The following FARS2 variants were observed in gnomAD, a reference collection of about 807,000 sequenced individuals.
FARS2 encodes phenylalanine--tRNA ligase, mitochondrial.
FARS2 carries 40 observed loss-of-function variants against 46.4 expected under a neutral mutation model. That is an observed-to-expected ratio of 0.86 (90% CI 0.67 to 1.12). The LOEUF is 1.12. FARS2 is among the 50% of genes most tolerant of loss of function. The pLI is 0.00. For synonymous variants in FARS2, 234 were observed against 214.9 expected, an observed-to-expected ratio of 1.09 and a Z score of -0.78; for missense variants, 513 against 567.9, an observed-to-expected ratio of 0.90 and a Z score of 0.98.
chr6:5,543,866 AGTTAT>A (rs1770784121), intron 4 of FARS2, among the ~76,000 whole-genome samples: 1 of 148,086 alleles, frequency 6.8e-6, no homozygotes, highest in African/African-American at 2.5e-5. Flanking sequence ...AATCTGGATT[AGTTAT>A]GTTTGTTTGT....
At chr6:5,576,575 C>CATAGATGATATATA (rs1561725198) in intron 5 of FARS2, among the ~76,000 whole-genome samples, 2 of 143,624 alleles carry the variant, frequency 1.4e-5, no homozygotes, top group African/African-American at 5.2e-5. Flanking sequence ...GAGTATATAT[C>CATAGATGATATATA]TATGATATAT....
chr6:5,415,096 C>T (rs1007705741), intron 3 of FARS2, among the ~76,000 whole-genome samples: 5 of 151,534 alleles, frequency 3.3e-5, no homozygotes, highest in Non-Finnish European at 7.4e-5. Context: ...GGATTACAGG[C>T]GTGAGCCACC....
Position 5,368,863 on chromosome 6 carries a change from A to G in FARS2, c.293A>G (p.Tyr98Cys). Reference protein sequence around the residue: ...LIKERVKEHFYKQYVGRFGTP... With the variant: ...LIKERVKEHFCKQYVGRFGTP... The stretch of plus-strand genomic sequence containing the variant: ...AAGGAGAGGGTGAAGGAGCACTTCT[A>G]CAAGCAGTATGTGGGCCGCTTTGGG... Residue 98 changes from tyrosine to cysteine, a missense_variant, in exon 2 of 7, where the codon TAC becomes TGC. Coordinates refer to ENST00000274680, the MANE Select transcript of FARS2 (RefSeq NM_006567.5). The G allele has an allele frequency of 2.5e-6, 4 of 1,614,122 alleles. No homozygotes were observed. The highest frequency in any genetic ancestry group is 3.4e-6 in the Non-Finnish European group (4 of 1,180,010).
At chr6:5,533,076 A>C (rs1302072271) in intron 4 of FARS2, among the ~76,000 whole-genome samples, 1 of 152,156 alleles carries the variant, frequency 6.6e-6, no homozygotes, top group Admixed American at 6.5e-5. Flanking sequence ...GAGGAAAATA[A>C]AATAGAAAGA....
At chr6:5,703,135 A>G (rs1758542627) in intron 6 of FARS2, among the ~76,000 whole-genome samples, 2 of 152,378 alleles carry the variant, frequency 1.3e-5, no homozygotes, top group South Asian at 2.1e-4. Context: ...AAAAGCAAAT[A>G]TAGCTGCCAA....
rs71557570 is a variant in FARS2 at position 5,564,761 on chromosome 6, G to A, written c.1065+19421G>A. Among the ~76,000 whole-genome samples the A allele has an allele frequency of 7.5e-3, 1,136 of 152,282 alleles. 9 individuals carry two copies. Among genetic ancestry groups the A allele is most frequent in the South Asian group, 0.015 (72 of 4,820 alleles). ...AAGCCAAGCCCAGCCATGGGTTTGT[G>A]TCCTCTAATACCTGTGTGTTTGGTG... On this transcript the variant is annotated intron_variant, in intron 5 of 6. Transcript: ENST00000274680.
At chr6:5,664,401 GGA>G (rs1365721837) in intron 6 of FARS2, among the ~76,000 whole-genome samples, 1 of 152,252 alleles carries the variant, frequency 6.6e-6, no homozygotes, top group Admixed American at 6.5e-5. Context: ...TGTCACCCTG[GGA>G]GCTGGCTTCC....
chr6:5,617,726 C>G (rs1226706211), intron 6 of FARS2, among the ~76,000 whole-genome samples: 2 of 152,184 alleles, frequency 1.3e-5, no homozygotes, highest in Non-Finnish European at 2.9e-5. Context: ...ATGGTGCGGA[C>G]TTGGCAATGG....
intron 6 of FARS2, among the ~76,000 whole-genome samples, chr6:5,756,854 C>T (rs893025710): frequency 2.0e-5 from 3 of 152,210 alleles, no homozygotes; most frequent in African/African-American, 4.8e-5. Context: ...ACATACTCTT[C>T]GATCACATGT....
rs914501450 is a variant in FARS2, at chr6:5,630,239, A to C, written c.1217+16919A>C. Among the ~76,000 whole-genome samples, 1 of 152,140 alleles carries C rather than the reference A, an allele frequency of 6.6e-6. No individual in the cohort carries two copies. The highest frequency in any genetic ancestry group is 1.5e-5 in the Non-Finnish European group (1 of 68,024). ...CTAAGAAGGGAGACCCAAGAGATGG[A>C]AGTCAAAGAGCAGAGGCTGGGAATG... On this transcript the variant is annotated intron_variant, in intron 6 of 6. Coordinates refer to ENST00000274680, the MANE Select transcript of FARS2 (RefSeq NM_006567.5). The surrounding 1 kb of genome is among the most constrained non-coding windows in gnomAD (Gnocchi z 4.2).
upstream of FARS2, chr6:5,260,903 G>A (rs2224392): frequency 0.2 from 269,625 of 1,382,558 alleles, 28,723 homozygotes; most frequent in African/African-American, 0.42. Flanking sequence ...GATCGCGGAC[G>A]GCGCCAGGCG....
In FARS2 at chr6:5,553,508, C is replaced by A. The variant is rs538004855; in HGVS notation, c.1065+8168C>A. On this transcript the variant is annotated intron_variant, in intron 5 of 6. Transcript: ENST00000274680. ...TAGCATCGTTATATTATGTATGTGG[C>A]TCAATCAGGGCTTCCAGAAGCCATT... Among the ~76,000 whole-genome samples, 22 of 152,228 alleles carry A rather than the reference C, an allele frequency of 1.4e-4. No homozygotes were observed. The South Asian group carries it at 3.1e-3, about 22-fold the overall frequency.
At chr6:5,533,783 A>G (rs1015327743) in intron 4 of FARS2, among the ~76,000 whole-genome samples, 1 of 152,210 alleles carries the variant, frequency 6.6e-6, no homozygotes, top group Non-Finnish European at 1.5e-5. Context: ...CCTGAAACAG[A>G]TGGAAGACCG....
intron 4 of FARS2, among the ~76,000 whole-genome samples, chr6:5,543,844 C>G (rs183359922): frequency 6.6e-6 from 1 of 151,362 alleles, no homozygotes; most frequent in Admixed American, 6.6e-5. Context: ...TATCACTTTT[C>G]TCTACATTTT....
chr6:5,687,118 A>G (rs1163956440), intron 6 of FARS2, among the ~76,000 whole-genome samples: 1 of 152,120 alleles, frequency 6.6e-6, no homozygotes, highest in African/African-American at 2.4e-5. Flanking sequence ...AGATAAGTAG[A>G]TTGCAAAAAT....
At chr6:5,757,605 G>A (rs1762274928) in intron 6 of FARS2, among the ~76,000 whole-genome samples, 1 of 152,234 alleles carries the variant, frequency 6.6e-6, no homozygotes, top group Non-Finnish European at 1.5e-5. Context: ...GGATATAGCT[G>A]AGACGTTGAC....
intron 3 of FARS2, among the ~76,000 whole-genome samples, chr6:5,408,846 G>A (rs555478196): frequency 6.6e-6 from 1 of 152,286 alleles, no homozygotes; most frequent in Non-Finnish European, 1.5e-5. Context: ...CTGTGTACCA[G>A]ACTGTGGCAC....
chr6:5,382,125 A>G (rs2127671209), intron 2 of FARS2, among the ~76,000 whole-genome samples: 1 of 152,328 alleles, frequency 6.6e-6, no homozygotes, highest in East Asian at 1.9e-4. Context: ...TGTATTCTTT[A>G]AGGTTTATGA....
chr6:5,641,245 C>T (rs1776800624), intron 6 of FARS2, among the ~76,000 whole-genome samples: 1 of 152,128 alleles, frequency 6.6e-6, no homozygotes, highest in Non-Finnish European at 1.5e-5. Flanking sequence ...GGTGAACCTG[C>T]ACTCTGTAAA....
Sources: gnomAD v4.1 joint callset for allele counts (sites outside exome capture counted in the v4.1 genomes callset) on GRCh38, gnomAD v4.1.1 for gene constraint, Gnocchi (gnomAD v3.1) non-coding constraint, MANE v1.5 for transcripts, NCBI Gene and HGNC (gene_info 2026-07-23, HGNC 2026-07-21) for gene names.